The following SRGAP2B variants were observed in gnomAD, a reference collection of about 807,000 sequenced individuals.
SRGAP2B encodes the protein SLIT-ROBO Rho GTPase-activating protein 2B.
Under a neutral mutation model 22.2 loss-of-function variants are expected in SRGAP2B, and 9 were observed. That is an observed-to-expected ratio of 0.41 (90% CI 0.24 to 0.71). SRGAP2B has a LOEUF of 0.71. Among genes scored for constraint, SRGAP2B ranks in the 30% least tolerant of loss-of-function variants. SRGAP2B has a pLI of 0.35. For synonymous variants in SRGAP2B, 36 were observed against 87.4 expected (o/e 0.41, Z 3.28); for missense variants, 114 against 235.8 (o/e 0.48, Z 3.38).
chr1:145,056,946 A>C (rs1408429458), intron 2 of SRGAP2B, among the ~76,000 whole-genome samples: 1 of 137,796 alleles, frequency 7.3e-6, no homozygotes, highest in African/African-American at 2.9e-5. Context: ...GAGTTGAAGG[A>C]GATAAAACAC....
intron 2 of SRGAP2B, among the ~76,000 whole-genome samples, chr1:145,064,752 T>A (rs1651308785): frequency 6.6e-6 from 1 of 150,424 alleles, no homozygotes; most frequent in South Asian, 2.1e-4. Flanking sequence ...GAACAGGAGA[T>A]AACGGATAGG....
chr1:144,955,508 G>A, exon 4 of SRGAP2B: 1 of 1,105,572 alleles, frequency 9.0e-7, no homozygotes, highest in Non-Finnish European at 1.3e-6. Flanking sequence ...TCAGGTAGAT[G>A]TCACTCAGGG....
At chr1:144,994,612 CAG>C (rs1670529642) in intron 3 of SRGAP2B, among the ~76,000 whole-genome samples, 1 of 81,602 alleles carries the variant, frequency 1.2e-5, no homozygotes, top group Non-Finnish European at 2.6e-5. Context: ...GAGAGAGAGA[CAG>C]AGATTAAGAT....
Position 145,041,044 on chromosome 1 carries a change from A to C in SRGAP2B, c.68-45844T>G, listed in dbSNP as rs1304975692. Reference sequence around the variant, plus strand: ...TTTCAAATTACTTATCACCATCTGAAAAAATATCATTTGTTGCATGTATAT... The same window carrying C: ...TTTCAAATTACTTATCACCATCTGACAAAATATCATTTGTTGCATGTATAT... On this transcript the variant is annotated intron_variant, in intron 2 of 9. Transcript: ENST00000612199. Among the ~76,000 whole-genome samples the C allele has an allele frequency of 4.0e-5, 5 of 124,414 alleles. No homozygotes were observed. In the Admixed American group the frequency reaches 4.6e-4, roughly 11 times the overall value. The allele number at this position is 124,414 out of a possible 152,430, so 81.6% of individuals were successfully genotyped here.
At chr1:145,041,446 T>C (rs1471042158) in intron 2 of SRGAP2B, among the ~76,000 whole-genome samples, 3 of 134,192 alleles carry the variant, frequency 2.2e-5, no homozygotes, top group Non-Finnish European at 4.6e-5. Flanking sequence ...ATGATCACAC[T>C]ACTGCACTCC....
intron 2 of SRGAP2B, among the ~76,000 whole-genome samples, chr1:145,081,236 C>G (rs1652903388): frequency 1.3e-5 from 2 of 148,392 alleles, no homozygotes; most frequent in Non-Finnish European, 3.0e-5. Context: ...GCAGCTACCT[C>G]ACAGGACTGT....
At chr1:145,051,443 T>A (rs1360926529) in intron 2 of SRGAP2B, among the ~76,000 whole-genome samples, 1 of 150,310 alleles carries the variant, frequency 6.7e-6, no homozygotes, top group Non-Finnish European at 1.5e-5. Context: ...CCCCACAGCA[T>A]GGAGGCTCTC....
In SRGAP2B at chr1:145,016,687, T is replaced by C. The variant is rs587664317; in HGVS notation, c.68-21487A>G. On this transcript the variant is annotated intron_variant, in intron 2 of 9. Transcript: ENST00000612199. ...TCAGCCTGGAGCTGGTGAACTCAGG[T>C]TCTGGACCCTGAACACACTACATGA... Among the ~76,000 whole-genome samples, 911 of 100,946 alleles carry C rather than the reference T, an allele frequency of 9.0e-3. 4 individuals are homozygous for C. Among genetic ancestry groups the C allele is most frequent in the Middle Eastern group, 0.051 (9 of 176 alleles). 66.2% of individuals were successfully genotyped at this position (100,946 alleles called of 152,430 possible).
At chr1:145,047,145 C>T (rs1649876496) in intron 2 of SRGAP2B, among the ~76,000 whole-genome samples, 1 of 132,004 alleles carries the variant, frequency 7.6e-6, no homozygotes, top group Admixed American at 7.8e-5. Flanking sequence ...CACTGCACCC[C>T]AGACTGGGCA....
At chr1:144,994,013 T>G (rs1407874168) in intron 3 of SRGAP2B, among the ~76,000 whole-genome samples, 1 of 149,802 alleles carries the variant, frequency 6.7e-6, no homozygotes, top group African/African-American at 2.5e-5. Flanking sequence ...ATTAGCATAT[T>G]TTATGGGTGG....
In SRGAP2B at chr1:144,997,296, T is replaced by C. The variant is rs1253480405; in HGVS notation, c.68-2096A>G. Among the ~76,000 whole-genome samples, 18 of 150,796 alleles carry C rather than the reference T, an allele frequency of 1.2e-4. 1 individual carries two copies. Among genetic ancestry groups the C allele is most frequent in the African/African-American group, 4.5e-4 (18 of 40,376 alleles). The stretch of plus-strand genomic sequence containing the variant: ...ACAAAAAAAAATTAGCCAGGCATGG[T>C]GGCAGGTGCCTGTGGTCCCAGCTAC... On this transcript the variant is annotated intron_variant, in intron 2 of 9. Transcript: ENST00000612199.
intron 2 of SRGAP2B, among the ~76,000 whole-genome samples, chr1:145,017,526 T>G (rs1387073985): frequency 2.3e-4 from 34 of 149,512 alleles, no homozygotes; most frequent in Admixed American, 4.6e-4. Context: ...AAATGGCACA[T>G]TTCTCAGAAT....
At chr1:144,979,941 T>C (rs1669197287) in intron 3 of SRGAP2B, among the ~76,000 whole-genome samples, 1 of 150,856 alleles carries the variant, frequency 6.6e-6, no homozygotes, top group Non-Finnish European at 1.5e-5. Context: ...AATGGCCTAA[T>C]ACACTGTGTA....
intron 4 of SRGAP2B, among the ~76,000 whole-genome samples, chr1:144,925,727 A>AAAAG (rs202130146): frequency 0.19 from 19,492 of 103,604 alleles, 1,002 homozygotes; most frequent in African/African-American, 0.2. Flanking sequence ...AGAGAGAAAG[A>AAAAG]AAAGAAAGAA....
intron 2 of SRGAP2B, among the ~76,000 whole-genome samples, chr1:145,022,993 C>T (rs146952055): frequency 1.7e-4 from 25 of 149,436 alleles, no homozygotes; most frequent in Admixed American, 1.6e-3. Context: ...GGTGAAGCCC[C>T]GTCTCTACTA....
chr1:144,916,192 C>T (rs1361513800), intron 4 of SRGAP2B, among the ~76,000 whole-genome samples: 1 of 147,080 alleles, frequency 6.8e-6, no homozygotes, highest in Non-Finnish European at 1.5e-5. Flanking sequence ...AATCACCACT[C>T]TAAGTGTTGT....
chr1:144,971,131 C>CTT (rs60651899), intron 3 of SRGAP2B, among the ~76,000 whole-genome samples: 4 of 140,870 alleles, frequency 2.8e-5, no homozygotes, highest in East Asian at 4.0e-4. Flanking sequence ...GGAACACTTC[C>CTT]TTTTTTTTTT....
chr1:144,895,840 TTGC>T (rs1234477596), intron 8 of SRGAP2B, among the ~76,000 whole-genome samples: 1 of 58,870 alleles, frequency 1.7e-5, no homozygotes, highest in Non-Finnish European at 3.0e-5. Context: ...AGCACACATG[TTGC>T]TGTTTTTTGG....
At chr1:145,013,884 T>C (rs1420895254) in intron 2 of SRGAP2B, among the ~76,000 whole-genome samples, 1 of 150,312 alleles carries the variant, frequency 6.7e-6, no homozygotes, top group Non-Finnish European at 1.5e-5. Context: ...CATCATTATC[T>C]AGGCCATGGT....
Sources: allele counts gnomAD v4.1 joint callset (sites outside exome capture counted in the v4.1 genomes callset), GRCh38; gene constraint gnomAD v4.1.1; transcripts MANE v1.5; gene names NCBI Gene and HGNC (gene_info 2026-07-23, HGNC 2026-07-21).